The following RFTN1 variants were observed in gnomAD, a reference collection of about 807,000 sequenced individuals.
RFTN1 encodes raftlin.
A neutral mutation model predicts 46.5 loss-of-function variants in RFTN1; 26 were observed. The observed-to-expected ratio is 0.56, with a 90% CI of 0.41 to 0.78. The LOEUF (loss-of-function observed/expected upper bound fraction) is 0.78, where lower values mean the gene tolerates loss of function less well. Ranked by LOEUF, RFTN1 falls within the 30% of genes least tolerant of loss-of-function variation. The pLI is 0.00. For synonymous variants in RFTN1, 261 were observed against 284.2 expected, an observed-to-expected ratio of 0.92 and a Z score of 0.82; for missense variants, 693 against 718.7, an observed-to-expected ratio of 0.96 and a Z score of 0.41.
intron 3 of RFTN1, among the ~76,000 whole-genome samples, chr3:16,409,721 G>C (rs2074943340): frequency 7.6e-6 from 1 of 131,988 alleles, no homozygotes; most frequent in Non-Finnish European, 1.5e-5. Context: ...GTCTTGCTCT[G>C]TCGCCCAGGC....
In RFTN1 at chr3:16,460,886, C is replaced by T. The variant is rs1490906945; in HGVS notation, c.146-26849G>A. 6.6e-6 allele frequency among the ~76,000 whole-genome samples: 1 copy of T among 152,234 alleles called. No individual in the cohort carries two copies. Among genetic ancestry groups the T allele is most frequent in the Non-Finnish European group, 1.5e-5 (1 of 68,042 alleles). On this transcript the variant is annotated intron_variant, in intron 2 of 9. Transcript: ENST00000334133. This position sits in a 1 kb window ranked among gnomAD's most constrained non-coding sequence, Gnocchi z 4.8. ...GAATTTCTTACCCTTCATAAGGCAG[C>T]CCCTACTCGAGGCTGGCCAGACTTC...
intron 2 of RFTN1, among the ~76,000 whole-genome samples, chr3:16,491,330 A>T (rs2076535405): frequency 6.6e-6 from 1 of 152,188 alleles, no homozygotes; most frequent in Non-Finnish European, 1.5e-5. Context: ...AACACCAAAG[A>T]CAAGCAGTGG....
At chr3:16,502,471 C>G (rs1213449373) in intron 1 of RFTN1, among the ~76,000 whole-genome samples, 3 of 152,204 alleles carry the variant, frequency 2.0e-5, no homozygotes, top group Non-Finnish European at 4.4e-5. Flanking sequence ...AGTGATCCTC[C>G]TGGTATTCAC....
At chr3:16,391,840 T>A (rs927120311) in intron 4 of RFTN1, among the ~76,000 whole-genome samples, 1 of 148,634 alleles carries the variant, frequency 6.7e-6, no homozygotes, top group Non-Finnish European at 1.5e-5. Flanking sequence ...TCCTAGAGAT[T>A]ATCATTCTAG....
At chr3:16,501,157 A>G (rs2076704574) in intron 1 of RFTN1, among the ~76,000 whole-genome samples, 1 of 152,242 alleles carries the variant, frequency 6.6e-6, no homozygotes, top group Admixed American at 6.5e-5. Flanking sequence ...ACACACGCAC[A>G]CACACACAAA....
At chr3:16,357,891 T>C in intron 7 of RFTN1, 41 bp downstream of exon 7, 1 of 1,224,106 alleles carries the variant, frequency 8.2e-7, no homozygotes, top group Non-Finnish European at 1.2e-6. Flanking sequence ...AAACAAGTGC[T>C]GTCTAAACAA....
At chr3:16,503,001 G>A (rs779524282) in intron 1 of RFTN1, among the ~76,000 whole-genome samples, 6 of 152,132 alleles carry the variant, frequency 3.9e-5, no homozygotes, top group South Asian at 2.1e-4. Context: ...ACTCTTCAGC[G>A]GCCAAGTTTT....
chr3:16,372,364 T>C (rs968691978), intron 5 of RFTN1, among the ~76,000 whole-genome samples: 5 of 152,120 alleles, frequency 3.3e-5, no homozygotes, highest in African/African-American at 1.2e-4. Context: ...TGAAGGTCAC[T>C]CCTGAATCAT....
In RFTN1 at chr3:16,450,179, C is replaced by T. The variant is rs550097957; in HGVS notation, c.146-16142G>A. ...AATGTCAGCTTCTCCACTTTCCTTC[C>T]TAACCCACAATTTTTAATTTCCTCT... On this transcript the variant is annotated intron_variant, in intron 2 of 9. Coordinates refer to ENST00000334133, the MANE Select transcript of RFTN1 (RefSeq NM_015150.2). This position sits in a 1 kb window ranked among gnomAD's most constrained non-coding sequence, Gnocchi z 4.6. Among the ~76,000 whole-genome samples the T allele has an allele frequency of 2.3e-4, 35 of 152,314 alleles. No individual in the cohort carries two copies. The highest frequency in any genetic ancestry group is 8.2e-4 in the African/African-American group (34 of 41,572).
At chr3:16,501,847 C>A (rs1454714370) in intron 1 of RFTN1, among the ~76,000 whole-genome samples, 1 of 152,164 alleles carries the variant, frequency 6.6e-6, no homozygotes, top group African/African-American at 2.4e-5. Flanking sequence ...GTCTAAGAAA[C>A]CCTAGGAAAA....
rs184986155 is a variant in RFTN1 at position 16,368,759 on chromosome 3, T to C, written c.1030+1317A>G. On this transcript the variant is annotated intron_variant, in intron 6 of 9. Transcript: ENST00000334133. The stretch of plus-strand genomic sequence containing the variant: ...AGTGACACTAGCCACTAGCCACATA[T>C]AGTTATTTAAACTTAATGAAAGTTA... 1.5e-4 allele frequency among the ~76,000 whole-genome samples: 23 copies of C among 151,328 alleles called. No individual in the cohort carries two copies. The East Asian group carries it at 3.7e-3, about 24-fold the overall frequency.
intron 3 of RFTN1, among the ~76,000 whole-genome samples, chr3:16,419,391 C>T (rs866026647): frequency 6.6e-6 from 1 of 152,050 alleles, no homozygotes; most frequent in Non-Finnish European, 1.5e-5. Flanking sequence ...ATTAAGCAGG[C>T]GGCAGTGTGT....
At chr3:16,406,224 GGCCA>G (rs1388310452) in intron 4 of RFTN1, among the ~76,000 whole-genome samples, 1 of 152,134 alleles carries the variant, frequency 6.6e-6, no homozygotes, top group Non-Finnish European at 1.5e-5. Context: ...TAGAAATTAT[GGCCA>G]GCAACAGAAA....
intron 7 of RFTN1, among the ~76,000 whole-genome samples, chr3:16,328,713 G>A (rs1358424486): frequency 2.0e-5 from 3 of 152,188 alleles, no homozygotes; most frequent in African/African-American, 7.2e-5. Context: ...AACTCCGGGA[G>A]TAGGGCCCCG....
intron 1 of RFTN1, among the ~76,000 whole-genome samples, chr3:16,502,257 A>C (rs1363027884): frequency 2.0e-5 from 3 of 152,028 alleles, no homozygotes; most frequent in Admixed American, 2.0e-4. Flanking sequence ...GCTACTCGGG[A>C]GGCTGAAGAG....
Position 16,442,377 on chromosome 3 carries a change from T to A in RFTN1, c.146-8340A>T, listed in dbSNP as rs2075644018. On this transcript the variant is annotated intron_variant, in intron 2 of 9. Coordinates refer to ENST00000334133, the MANE Select transcript of RFTN1 (RefSeq NM_015150.2). This position sits in a 1 kb window ranked among gnomAD's most constrained non-coding sequence, Gnocchi z 4.1. ...GTCCATTAAGCAGTTACTCTTCCCA[T>A]TCCCCTCTCTCCCCGAGCCCTAGCA... is the stretch of plus-strand genomic sequence containing the variant. Among the ~76,000 whole-genome samples the A allele has an allele frequency of 6.6e-6, 1 of 152,110 alleles. No individual in the cohort carries two copies. The highest frequency in any genetic ancestry group is 2.4e-5 in the African/African-American group (1 of 41,420).
At chr3:16,355,650 C>A (rs2125328218) in intron 7 of RFTN1, among the ~76,000 whole-genome samples, 1 of 152,334 alleles carries the variant, frequency 6.6e-6, no homozygotes, top group African/African-American at 2.4e-5. Flanking sequence ...TATACCCGCC[C>A]TGGTTCTTAA....
In RFTN1 at chr3:16,391,154, G is replaced by A. The variant is rs533475511; in HGVS notation, c.442-13052C>T. On this transcript the variant is annotated intron_variant, in intron 4 of 9. Transcript: ENST00000334133. ...CCCTCATCCCTAACATCTACACTAC[G>A]AATCTCCCCCCAGCTACCTTTTCAA... 4.6e-5 allele frequency among the ~76,000 whole-genome samples: 7 copies of A among 152,192 alleles called. No homozygotes were observed. In the South Asian group the frequency reaches 6.2e-4, roughly 14 times the overall value.
rs915474808 is a variant in RFTN1, at chr3:16,402,882, T to C, written c.441+6493A>G. ...AAAGGCTCAGTGGGCCAGTGCAAGA[T>C]GAACCTAGTTCTTAAGGAGATCAGG... On this transcript the variant is annotated intron_variant, in intron 4 of 9. Transcript: ENST00000334133. The surrounding 1 kb of genome is among the most constrained non-coding windows in gnomAD (Gnocchi z 4.5). Among the ~76,000 whole-genome samples the C allele has an allele frequency of 3.3e-5, 5 of 152,198 alleles. No homozygotes were observed. In the South Asian group the frequency reaches 1.0e-3, roughly 32 times the overall value.
Sources: gnomAD v4.1 joint callset for allele counts (sites outside exome capture counted in the v4.1 genomes callset) on GRCh38, gnomAD v4.1.1 for gene constraint, Gnocchi (gnomAD v3.1) non-coding constraint, MANE v1.5 for transcripts, NCBI Gene and HGNC (gene_info 2026-07-23, HGNC 2026-07-21) for gene names.